The following CTNNA2 variants were observed in gnomAD, a reference collection of about 807,000 sequenced individuals.
The protein encoded by CTNNA2 is catenin alpha-2.
Under a neutral mutation model 101.0 loss-of-function variants are expected in CTNNA2, and 42 were observed. That is an observed-to-expected ratio of 0.42 (90% CI 0.32 to 0.54). The LOEUF (loss-of-function observed/expected upper bound fraction) is 0.54, where lower values mean the gene tolerates loss of function less well. Ranked by LOEUF, CTNNA2 falls within the 20% of genes least tolerant of loss-of-function variation. The pLI, the probability that CTNNA2 is intolerant of heterozygous loss-of-function variation, is 0.14. For synonymous variants in CTNNA2, 450 were observed against 456.4 expected, an observed-to-expected ratio of 0.99 and a Z score of 0.18; for missense variants, 871 against 1,223.1, an observed-to-expected ratio of 0.71 and a Z score of 4.29.
At chr2:79,256,589 G>A (rs910227115) in intron 2 of CTNNA2, among the ~76,000 whole-genome samples, 16 of 152,290 alleles carry the variant, frequency 1.1e-4, no homozygotes, top group African/African-American at 3.6e-4. Context: ...GAATGCACAC[G>A]TTATGACCCA....
In CTNNA2 at chr2:79,743,918, G is replaced by A. The variant is rs531044075; in HGVS notation, c.103-469G>A. On this transcript the variant is annotated intron_variant, in intron 2 of 18. Transcript: ENST00000402739. ...CCTTGGAAAATAACACATAAGTACC[G>A]GGTGTTGGCTACTCATTATTTATTA... Among the ~76,000 whole-genome samples, 16 of 152,210 alleles carry A rather than the reference G, an allele frequency of 1.1e-4. No homozygotes were observed. The East Asian group carries it at 2.3e-3, about 22-fold the overall frequency.
intron 7 of CTNNA2, among the ~76,000 whole-genome samples, chr2:80,146,557 C>G (rs1479460140): frequency 6.6e-6 from 1 of 151,850 alleles, no homozygotes; most frequent in Non-Finnish European, 1.5e-5. Context: ...GACCATTCCC[C>G]AAAACTTACC....
intron 7 of CTNNA2, among the ~76,000 whole-genome samples, chr2:79,917,028 C>T (rs1443995766): frequency 3.3e-5 from 5 of 152,044 alleles, no homozygotes; most frequent in African/African-American, 1.2e-4. Flanking sequence ...CTCACTGAAA[C>T]CTCCGCCTCT....
chr2:79,686,708 T>C (rs1683954769), intron 2 of CTNNA2, among the ~76,000 whole-genome samples: 1 of 152,106 alleles, frequency 6.6e-6, no homozygotes, highest in Non-Finnish European at 1.5e-5. Context: ...TATGGTAACA[T>C]CTAAATATTG....
chr2:80,342,776 A>G (rs1273350393), intron 7 of CTNNA2, among the ~76,000 whole-genome samples: 1 of 152,180 alleles, frequency 6.6e-6, no homozygotes, highest in Non-Finnish European at 1.5e-5. Flanking sequence ...TTTTAAGTGT[A>G]TTGATTTTCT....
intron 12 of CTNNA2, 30 bp downstream of exon 12, chr2:80,555,923 T>C (rs1692990937): frequency 7.4e-7 from 1 of 1,347,950 alleles, no homozygotes; most frequent in Non-Finnish European, 9.8e-7. Context: ...CTGGCCAAAA[T>C]GTTAATGCCT....
At chr2:79,656,546 A>G (rs1681624646) in intron 2 of CTNNA2, among the ~76,000 whole-genome samples, 1 of 152,140 alleles carries the variant, frequency 6.6e-6, no homozygotes, top group Non-Finnish European at 1.5e-5. Context: ...TTTACTGTTG[A>G]TTAATATTTA....
At chr2:79,400,434 T>C (rs1678277538) in intron 4 of CTNNA2, among the ~76,000 whole-genome samples, 1 of 151,906 alleles carries the variant, frequency 6.6e-6, no homozygotes, top group South Asian at 2.1e-4. Context: ...ATATAGAGAA[T>C]ATCAATAAAG....
chr2:79,788,826 T>C (rs746465289), intron 3 of CTNNA2, among the ~76,000 whole-genome samples: 3 of 152,150 alleles, frequency 2.0e-5, no homozygotes, highest in Non-Finnish European at 2.9e-5. Context: ...CATTTTATAA[T>C]TTTGCTTTGC....
chr2:79,402,326 T>C (rs1403509112), intron 4 of CTNNA2, among the ~76,000 whole-genome samples: 1 of 151,802 alleles, frequency 6.6e-6, no homozygotes, highest in Non-Finnish European at 1.5e-5. Flanking sequence ...CATAGATAGA[T>C]GTAAAACATT....
intron 3 of CTNNA2, among the ~76,000 whole-genome samples, chr2:79,747,470 G>A (rs1048333795): frequency 6.6e-6 from 1 of 152,124 alleles, no homozygotes; most frequent in African/African-American, 2.4e-5. Context: ...AGATAGCAAA[G>A]GTATTCATAG....
chr2:79,927,854 G>A (rs937176785), intron 7 of CTNNA2, among the ~76,000 whole-genome samples: 2 of 152,020 alleles, frequency 1.3e-5, no homozygotes, highest in Admixed American at 6.6e-5. Context: ...CCTGGGTTTG[G>A]GTCTCACATT....
At chr2:80,483,368 T>TTATATATATATA (rs10635965) in intron 9 of CTNNA2, among the ~76,000 whole-genome samples, 11 of 146,090 alleles carry the variant, frequency 7.5e-5, no homozygotes, top group African/African-American at 2.2e-4. Context: ...TGTTGTTGTT[T>TTATATATATATA]TATATATATA....
At chr2:79,454,374 A>T (rs1248629425) in intron 4 of CTNNA2, among the ~76,000 whole-genome samples, 1 of 152,116 alleles carries the variant, frequency 6.6e-6, no homozygotes, top group African/African-American at 2.4e-5. Flanking sequence ...ACACCCTCTC[A>T]CACACACAGT....
intron 7 of CTNNA2, among the ~76,000 whole-genome samples, chr2:80,072,608 T>TCTG (rs1558780549): frequency 6.6e-6 from 1 of 152,168 alleles, no homozygotes; most frequent in South Asian, 2.1e-4. Flanking sequence ...AAGACAGGGC[T>TCTG]CTGGGGAGCT....
intron 4 of CTNNA2, among the ~76,000 whole-genome samples, chr2:79,472,545 C>T (rs1408862180): frequency 2.6e-5 from 4 of 152,206 alleles, no homozygotes; most frequent in Non-Finnish European, 5.9e-5. Flanking sequence ...ACACAGAATT[C>T]AAGAAATCTA....
intron 7 of CTNNA2, among the ~76,000 whole-genome samples, chr2:80,203,692 G>A (rs1707352422): frequency 6.6e-6 from 1 of 152,186 alleles, no homozygotes; most frequent in Non-Finnish European, 1.5e-5. Flanking sequence ...CAAGCTGTTG[G>A]TGGAGTTACC....
At chr2:79,660,198 T>C (rs1315153577) in intron 2 of CTNNA2, among the ~76,000 whole-genome samples, 1 of 150,268 alleles carries the variant, frequency 6.7e-6, no homozygotes, top group Admixed American at 6.7e-5. Flanking sequence ...ATACAAATAC[T>C]ATGTATATAT....
chr2:80,190,811 T>G (rs1288923028), intron 7 of CTNNA2, among the ~76,000 whole-genome samples: 3 of 152,198 alleles, frequency 2.0e-5, no homozygotes, highest in Non-Finnish European at 4.4e-5. Flanking sequence ...CCATCTCTTA[T>G]GGTTTCTTAA....
Sources: allele counts gnomAD v4.1 joint callset (sites outside exome capture counted in the v4.1 genomes callset), GRCh38; gene constraint gnomAD v4.1.1; transcripts MANE v1.5; gene names NCBI Gene and HGNC (gene_info 2026-07-23, HGNC 2026-07-21).